The following VPS13C variants were observed in gnomAD, a reference collection of about 807,000 sequenced individuals.
VPS13C encodes the protein vacuolar protein sorting 13 homolog C.
A neutral mutation model predicts 456.8 loss-of-function variants in VPS13C; 358 were observed. The observed-to-expected ratio is 0.78, with a 90% CI of 0.72 to 0.86. The LOEUF is 0.86. Among genes scored for constraint, VPS13C ranks in the 40% least tolerant of loss-of-function variants. The probability of loss-of-function intolerance (pLI) is 0.00; values close to 1 mark genes in which losing one functional copy is unlikely to be tolerated. For synonymous variants in VPS13C, 1,578 were observed against 1,486.7 expected (o/e 1.06, Z -1.41); for missense variants, 4,818 against 4,385.4 (o/e 1.10, Z -2.79).
At chr15:61,977,047 T>C (rs765700794) in intron 24 of VPS13C, 35 bp downstream of exon 24, 4 of 1,453,376 alleles carry the variant, frequency 2.8e-6, no homozygotes, top group Admixed American at 3.6e-5. Context: ...ATTTCACCTG[T>C]TGATTTTCTA....
intron 16 of VPS13C, among the ~76,000 whole-genome samples, chr15:61,998,215 T>C (rs1269856041): frequency 2.6e-5 from 4 of 152,204 alleles, no homozygotes; most frequent in Non-Finnish European, 5.9e-5. Flanking sequence ...CCCCATGGTC[T>C]TCAGATCTTT....
At position 61,929,587 on chromosome 15, in the gene VPS13C, G is replaced by A; in HGVS notation, c.6200C>T (p.Ala2067Val). 6.2e-7 allele frequency: 1 copy of A among 1,614,040 alleles called. No individual in the cohort carries two copies. Among genetic ancestry groups the A allele is most frequent in the Non-Finnish European group, 8.5e-7 (1 of 1,179,994 alleles). Residue 2067 changes from alanine (A) to valine (V), a missense_variant, in exon 51 of 85, where the codon GCT (alanine) becomes GTT (valine). By Grantham distance (64) the Ala-to-Val change is moderately conservative. This residue lies in a region of VPS13C where 4,552 missense variants were observed against 4,130.6 expected (regional missense o/e 1.10). Coordinates refer to ENST00000644861, the MANE Select transcript of VPS13C (RefSeq NM_020821.3). ...LMTVADFFIK[A>V]VPQSPENVAK... ...CACATTTTCTGGACTCTGAGGCACA[G>A]CTTTGATAAAGAAATCTGCCACAGT...
At position 61,929,655 on chromosome 15, in the gene VPS13C, A is replaced by T. The variant is rs1163495095; in HGVS notation, c.6132T>A (p.Val2044=). The T allele has an allele frequency of 2.5e-6, 4 of 1,614,022 alleles. No individual in the cohort carries two copies. Among genetic ancestry groups the T allele is most frequent in the Non-Finnish European group, 2.5e-6 (3 of 1,180,002 alleles). The change falls in exon 51 of 85, where the codon GTT becomes GTA. Residue 2044 remains valine (V), a synonymous_variant. Transcript: ENST00000644861. ...TGGCACATACATACAGCTTGTCAAG[A>T]ACAGCATCAATTTGACTTCCATTTT... ...QDKNGSQIDA[V]LDKLYVCASV...
chr15:61,903,143 T>C (rs898982836), intron 66 of VPS13C, among the ~76,000 whole-genome samples: 2 of 151,774 alleles, frequency 1.3e-5, no homozygotes, highest in East Asian at 3.9e-4. Context: ...CTGGGCAACA[T>C]GGCGAAACTC....
chr15:62,009,233 T>C (rs1035611966), intron 13 of VPS13C, among the ~76,000 whole-genome samples: 1 of 152,044 alleles, frequency 6.6e-6, no homozygotes, highest in Non-Finnish European at 1.5e-5. Context: ...AATTATTGCA[T>C]AACCAAAGCA....
intron 56 of VPS13C, 33 bp downstream of exon 56, chr15:61,920,465 A>C: frequency 2.0e-6 from 3 of 1,500,964 alleles, no homozygotes; most frequent in Non-Finnish European, 2.7e-6. Context: ...TTAAAATTCC[A>C]CTTGAAATAT....
At chr15:61,934,727 C>G (rs941906916) in intron 48 of VPS13C, among the ~76,000 whole-genome samples, 1 of 151,998 alleles carries the variant, frequency 6.6e-6, no homozygotes, top group African/African-American at 2.4e-5. Flanking sequence ...GACTAATGCA[C>G]CTCTCACTAA....
At chr15:61,932,377 T>G (rs1378609335) in intron 49 of VPS13C, among the ~76,000 whole-genome samples, 1 of 152,050 alleles carries the variant, frequency 6.6e-6, no homozygotes, top group Non-Finnish European at 1.5e-5. Flanking sequence ...TAAAGAATGG[T>G]AGGGAAAAAA....
intron 67 of VPS13C, among the ~76,000 whole-genome samples, chr15:61,888,555 CAA>C (rs1019016557): frequency 2.0e-4 from 31 of 152,174 alleles, no homozygotes; most frequent in African/African-American, 7.5e-4. Flanking sequence ...TGAAAAGAAA[CAA>C]AGGAACCTTA....
chr15:61,881,926 TTAAG>T (rs1343270240), intron 69 of VPS13C, 98 bp from the exon 70 acceptor site: 20 of 1,080,886 alleles, frequency 1.9e-5, no homozygotes, highest in Middle Eastern at 3.1e-4. Flanking sequence ...TTCATCATAA[TTAAG>T]TGTCTGCGTG....
At chr15:62,048,263 C>T (rs111963848) in intron 1 of VPS13C, among the ~76,000 whole-genome samples, 2 of 120,212 alleles carry the variant, frequency 1.7e-5, no homozygotes, top group East Asian at 2.7e-4. Context: ...CCCACCCCCC[C>T]CAACAGGCCC....
chr15:62,040,200 C>T, intron 3 of VPS13C, among the ~76,000 whole-genome samples: 1 of 151,880 alleles, frequency 6.6e-6, no homozygotes. Context: ...ACAATGGTTA[C>T]CAGAAGCTAG....
chr15:61,959,197 TATA>T (rs1454871371), intron 36 of VPS13C, among the ~76,000 whole-genome samples: 3 of 152,138 alleles, frequency 2.0e-5, no homozygotes, highest in Non-Finnish European at 4.4e-5. Context: ...TGAGATATAG[TATA>T]ATATGCTAAT....
At chr15:61,952,964 T>C (rs1435230752) in intron 38 of VPS13C, among the ~76,000 whole-genome samples, 2 of 152,004 alleles carry the variant, frequency 1.3e-5, no homozygotes, top group Non-Finnish European at 2.9e-5. Context: ...ACTCAAGCGA[T>C]CCTCCAGTCT....
At chr15:61,918,690 T>TA (rs1421858030) in intron 58 of VPS13C, among the ~76,000 whole-genome samples, 2 of 152,020 alleles carry the variant, frequency 1.3e-5, no homozygotes, top group African/African-American at 4.8e-5. Flanking sequence ...TAACAAACTA[T>TA]AAGATAACAA....
At chr15:62,005,227 T>A (rs537864629) in intron 15 of VPS13C, among the ~76,000 whole-genome samples, 1 of 152,352 alleles carries the variant, frequency 6.6e-6, no homozygotes, top group East Asian at 1.9e-4. Flanking sequence ...CATATATATT[T>A]AGGAGAGTTA....
intron 34 of VPS13C, 53 bp downstream of exon 34, chr15:61,962,318 C>CA: frequency 1.4e-6 from 2 of 1,461,476 alleles, no homozygotes; most frequent in Non-Finnish European, 1.8e-6. Flanking sequence ...ATAATTATCA[C>CA]ACTTTTAAAA....
At chr15:61,894,132 C>A (rs977951193) in intron 66 of VPS13C, among the ~76,000 whole-genome samples, 3 of 151,896 alleles carry the variant, frequency 2.0e-5, no homozygotes, top group African/African-American at 7.3e-5. Context: ...ATGGTGAAAC[C>A]CCATCTCTAC....
intron 6 of VPS13C, among the ~76,000 whole-genome samples, chr15:62,025,324 A>C (rs2047600732): frequency 6.6e-6 from 1 of 152,160 alleles, no homozygotes; most frequent in Admixed American, 6.5e-5. Flanking sequence ...TTCAAGAAGT[A>C]AACATTTAAT....
Sources: allele counts gnomAD v4.1 joint callset (sites outside exome capture counted in the v4.1 genomes callset), GRCh38; gene constraint gnomAD v4.1.1; regional missense constraint gnomAD v4.1.1; transcripts MANE v1.5; gene names NCBI Gene and HGNC (gene_info 2026-07-23, HGNC 2026-07-21).